The following CDH12 variants were observed in gnomAD, a reference collection of about 807,000 sequenced individuals.
CDH12 encodes the protein cadherin 12.
Under a neutral mutation model 74.1 loss-of-function variants are expected in CDH12, and 41 were observed. That is an observed-to-expected ratio of 0.55 (90% CI 0.43 to 0.72). The LOEUF is 0.72. CDH12 is among the 30% of genes least tolerant of loss of function. The pLI is 0.00. For synonymous variants in CDH12, 399 were observed against 355.0 expected, an observed-to-expected ratio of 1.12 and a Z score of -1.39; for missense variants, 945 against 977.2, an observed-to-expected ratio of 0.97 and a Z score of 0.44.
At chr5:22,830,404 A>G (rs1158748583) in intron 1 of CDH12, among the ~76,000 whole-genome samples, 1 of 152,116 alleles carries the variant, frequency 6.6e-6, no homozygotes, top group Non-Finnish European at 1.5e-5. Flanking sequence ...CATGAATATT[A>G]TCCTGTACTG....
intron 6 of CDH12, among the ~76,000 whole-genome samples, chr5:21,900,865 T>A (rs1160068894): frequency 1.3e-5 from 2 of 152,114 alleles, no homozygotes; most frequent in Non-Finnish European, 2.9e-5. Context: ...AACCTCTGCC[T>A]AAATAAAGAT....
intron 4 of CDH12, among the ~76,000 whole-genome samples, chr5:22,103,312 G>A (rs1444530765): frequency 7.4e-6 from 1 of 135,964 alleles, no homozygotes; most frequent in African/African-American, 2.8e-5. Flanking sequence ...CTTATGATAG[G>A]TGAAAAATAG....
chr5:22,833,089 C>T (rs938802915), intron 1 of CDH12, among the ~76,000 whole-genome samples: 1 of 152,132 alleles, frequency 6.6e-6, no homozygotes, highest in Non-Finnish European at 1.5e-5. Context: ...TAGATAACTG[C>T]TTTTCAAGGT....
At chr5:22,425,174 T>A (rs984850947) in intron 2 of CDH12, among the ~76,000 whole-genome samples, 50 of 140,116 alleles carry the variant, frequency 3.6e-4, no homozygotes, top group Non-Finnish European at 6.2e-4. Context: ...TATATATAAA[T>A]ATATATATAT....
chr5:22,142,047 T>G (rs1243141588), intron 4 of CDH12, among the ~76,000 whole-genome samples: 3 of 152,110 alleles, frequency 2.0e-5, no homozygotes, highest in Non-Finnish European at 2.9e-5. Context: ...AAACTGAGGA[T>G]GGTGTTGCTA....
chr5:22,846,792 T>C (rs1737323563), intron 1 of CDH12, among the ~76,000 whole-genome samples: 1 of 152,180 alleles, frequency 6.6e-6, no homozygotes, highest in Non-Finnish European at 1.5e-5. Flanking sequence ...TCTGGAGGTG[T>C]GTGTAAACCT....
intron 14 of CDH12, among the ~76,000 whole-genome samples, chr5:21,755,303 A>G (rs1744320578): frequency 6.6e-6 from 1 of 152,160 alleles, no homozygotes; most frequent in African/African-American, 2.4e-5. Flanking sequence ...AGGGTCACAA[A>G]CTATTATTAC....
chr5:22,640,034 G>A (rs1260212795), intron 1 of CDH12, among the ~76,000 whole-genome samples: 1 of 152,076 alleles, frequency 6.6e-6, no homozygotes, highest in Admixed American at 6.6e-5. Context: ...TGCAGGGAGA[G>A]GAGCAGAGAG....
chr5:22,238,096 T>A (rs1561245901), intron 3 of CDH12, among the ~76,000 whole-genome samples: 1 of 152,174 alleles, frequency 6.6e-6, no homozygotes, highest in Admixed American at 6.5e-5. Flanking sequence ...CTGTTCTGAA[T>A]GCCAACTCCT....
At chr5:22,570,142 A>G (rs896731990) in intron 1 of CDH12, among the ~76,000 whole-genome samples, 1 of 150,994 alleles carries the variant, frequency 6.6e-6, no homozygotes, top group African/African-American at 2.4e-5. Context: ...TGCAACCTTC[A>G]CCTCCCAGGT....
intron 1 of CDH12, among the ~76,000 whole-genome samples, chr5:22,699,559 A>T (rs1256915751): frequency 1.3e-5 from 2 of 152,314 alleles, no homozygotes; most frequent in Middle Eastern, 3.4e-3. Context: ...TATGGAAGCA[A>T]TGGATGGCTC....
chr5:22,464,183 A>G (rs1745634344), intron 2 of CDH12, among the ~76,000 whole-genome samples: 2 of 152,194 alleles, frequency 1.3e-5, no homozygotes, highest in South Asian at 4.1e-4. Context: ...TGTCCATGTA[A>G]GAGGTGACTG....
At chr5:22,046,519 C>T (rs1006962499) in intron 5 of CDH12, among the ~76,000 whole-genome samples, 7 of 148,190 alleles carry the variant, frequency 4.7e-5, no homozygotes, top group Non-Finnish European at 1.0e-4. Flanking sequence ...GCAAGCTCTG[C>T]CTCCCGGGTT....
At chr5:22,373,632 C>T (rs1322536318) in intron 3 of CDH12, among the ~76,000 whole-genome samples, 1 of 152,206 alleles carries the variant, frequency 6.6e-6, no homozygotes. Flanking sequence ...ACAGTCTCCA[C>T]TCATAAATGC....
chr5:22,006,401 A>G lies in CDH12; in HGVS notation c.232-31016T>C, dbSNP rs554294215. Reference sequence around the variant, plus strand: ...AGCCTCAATCCTTATTAATACACCTAAATATCCCTCTCATCTAAACTTCTG... The same window carrying G: ...AGCCTCAATCCTTATTAATACACCTGAATATCCCTCTCATCTAAACTTCTG... On this transcript the variant is annotated intron_variant, in intron 5 of 14. Transcript: ENST00000382254. Among the ~76,000 whole-genome samples the G allele has an allele frequency of 7.8e-4, 119 of 151,780 alleles. 1 individual carries two copies. The highest frequency in any genetic ancestry group is 2.0e-3 in the Admixed American group (30 of 15,214).
chr5:22,362,484 G>T (rs1382800667), intron 3 of CDH12, among the ~76,000 whole-genome samples: 2 of 152,118 alleles, frequency 1.3e-5, no homozygotes, highest in Admixed American at 1.3e-4. Context: ...CTGTTGGTGG[G>T]ACTGTAAACT....
chr5:22,525,565 A>G (rs1737233063), intron 1 of CDH12, among the ~76,000 whole-genome samples: 1 of 152,140 alleles, frequency 6.6e-6, no homozygotes, highest in Non-Finnish European at 1.5e-5. Context: ...AATGGAATGC[A>G]TTAAAGATGT....
intron 5 of CDH12, among the ~76,000 whole-genome samples, chr5:22,048,854 A>G (rs1740147326): frequency 6.6e-6 from 1 of 152,130 alleles, no homozygotes; most frequent in South Asian, 2.1e-4. Context: ...AATAATAAGG[A>G]CCATGAGAAA....
chr5:22,139,023 T>C (rs1279830183), intron 4 of CDH12, among the ~76,000 whole-genome samples: 1 of 150,760 alleles, frequency 6.6e-6, no homozygotes, highest in African/African-American at 2.4e-5. Flanking sequence ...CTATAACTTT[T>C]CTCCCAATAA....
Sources: gnomAD v4.1 joint callset for allele counts (sites outside exome capture counted in the v4.1 genomes callset) on GRCh38, gnomAD v4.1.1 for gene constraint, MANE v1.5 for transcripts, NCBI Gene and HGNC (gene_info 2026-07-23, HGNC 2026-07-21) for gene names.